SLC2A13: variants seen among roughly 807,000 people sequenced by gnomAD.
The protein encoded by SLC2A13 is solute carrier family 2 member 13, also known as proton myo-inositol cotransporter.
In SLC2A13, 32 loss-of-function variants were observed where a neutral mutation model predicts 64.4. The observed-to-expected ratio is 0.50, with a 90% CI of 0.37 to 0.67. SLC2A13 has a LOEUF of 0.67. SLC2A13 is among the 30% of genes least tolerant of loss of function. The pLI is 0.00. For synonymous variants in SLC2A13, 338 were observed against 327.1 expected (o/e 1.03, Z -0.36); for missense variants, 743 against 829.2 (o/e 0.90, Z 1.28).
intron 1 of SLC2A13, among the ~76,000 whole-genome samples, chr12:40,079,117 G>GA (rs1938294208): frequency 6.6e-6 from 1 of 152,068 alleles, no homozygotes; most frequent in Non-Finnish European, 1.5e-5. Context: ...TTTCACCTGT[G>GA]GTTTTTGTTC....
intron 4 of SLC2A13, among the ~76,000 whole-genome samples, chr12:39,918,877 C>T (rs1361745014): frequency 6.6e-6 from 1 of 150,630 alleles, no homozygotes; most frequent in Non-Finnish European, 1.5e-5. Context: ...GGGTTAAAAA[C>T]CTTTTTGTTA....
intron 7 of SLC2A13, among the ~76,000 whole-genome samples, chr12:39,776,264 A>G (rs1940772233): frequency 3.8e-5 from 1 of 26,424 alleles, no homozygotes; most frequent in African/African-American, 1.5e-4. Context: ...TTCCATATTT[A>G]TACTACACAC....
At chr12:39,825,381 T>A (rs10877533) in intron 7 of SLC2A13, among the ~76,000 whole-genome samples, 104,319 of 151,956 alleles carry the variant, frequency 0.69, 36,341 homozygotes, top group African/African-American at 0.79. Context: ...TTGGAAACTA[T>A]CTGAATCTAA....
chr12:39,772,088 T>C (rs2135725920), intron 7 of SLC2A13, among the ~76,000 whole-genome samples: 1 of 152,252 alleles, frequency 6.6e-6, no homozygotes, highest in South Asian at 2.1e-4. Flanking sequence ...TCCTCATTTA[T>C]GTCATTATCA....
At chr12:39,843,670 T>C (rs932352417) in intron 6 of SLC2A13, among the ~76,000 whole-genome samples, 1 of 152,084 alleles carries the variant, frequency 6.6e-6, no homozygotes, top group Non-Finnish European at 1.5e-5. Flanking sequence ...TCCAGCTCTA[T>C]GCTTCACCTC....
Position 39,764,613 on chromosome 12 carries a change from C to G in SLC2A13, c.1568-1G>C. ...ACAGTCCAAGGCATTGGTCCCATTC[C>G]TGAGAAATAAAACATTAAAAACTTT... On this transcript the variant is annotated splice_acceptor_variant, in intron 8 of 9. Coordinates refer to ENST00000280871, the MANE Select transcript of SLC2A13 (RefSeq NM_052885.4). LOFTEE classifies it high-confidence loss of function. 6.3e-7 allele frequency: 1 copy of G among 1,586,002 alleles called. No homozygotes were observed. The highest frequency in any genetic ancestry group is 8.5e-7 in the Non-Finnish European group (1 of 1,171,456).
At chr12:39,955,790 T>C (rs1366604768) in intron 3 of SLC2A13, among the ~76,000 whole-genome samples, 5 of 151,838 alleles carry the variant, frequency 3.3e-5, no homozygotes, top group East Asian at 1.9e-4. Flanking sequence ...AATGCAGAGA[T>C]TGGACCTACG....
chr12:39,882,704 C>G (rs560311522), intron 4 of SLC2A13, among the ~76,000 whole-genome samples: 1 of 152,132 alleles, frequency 6.6e-6, no homozygotes, highest in Non-Finnish European at 1.5e-5. Flanking sequence ...TACCCACATA[C>G]CCGACCAGTC....
chr12:40,060,056 G>A (rs1175596787), intron 1 of SLC2A13, among the ~76,000 whole-genome samples: 3 of 152,094 alleles, frequency 2.0e-5, no homozygotes, highest in Admixed American at 6.6e-5. Flanking sequence ...AGAAATTGTG[G>A]ATGAAAATCT....
At chr12:39,910,216 G>T (rs574105619) in intron 4 of SLC2A13, among the ~76,000 whole-genome samples, 1 of 152,028 alleles carries the variant, frequency 6.6e-6, no homozygotes, top group Non-Finnish European at 1.5e-5. Context: ...TATTTATTAT[G>T]ACATGCATGT....
chr12:39,903,518 A>C (rs1246360266), intron 4 of SLC2A13, among the ~76,000 whole-genome samples: 1 of 152,062 alleles, frequency 6.6e-6, no homozygotes. Flanking sequence ...AGAGTGAGGG[A>C]AGCTCATGAC....
At chr12:39,894,144 G>A (rs969315982) in intron 4 of SLC2A13, among the ~76,000 whole-genome samples, 5 of 152,084 alleles carry the variant, frequency 3.3e-5, no homozygotes, top group African/African-American at 1.2e-4. Context: ...ACGTCACTAG[G>A]GCTTTGCAAA....
intron 1 of SLC2A13, chr12:40,068,480 C>A: frequency 3.7e-6 from 1 of 269,240 alleles, no homozygotes. Flanking sequence ...CTTATCTAAT[C>A]ATCTTCAGAA....
chr12:39,861,821 A>G (rs1372987986), intron 6 of SLC2A13, among the ~76,000 whole-genome samples: 1 of 152,076 alleles, frequency 6.6e-6, no homozygotes, highest in African/African-American at 2.4e-5. Flanking sequence ...ATCTGTCTTT[A>G]TCTTTGTGCA....
intron 3 of SLC2A13, among the ~76,000 whole-genome samples, chr12:39,999,133 G>A (rs1045303369): frequency 3.9e-5 from 6 of 152,138 alleles, no homozygotes; most frequent in Non-Finnish European, 7.3e-5. Flanking sequence ...CATAAGCTGA[G>A]GATGTACGTC....
intron 1 of SLC2A13, among the ~76,000 whole-genome samples, chr12:40,067,316 C>T (rs1360500695): frequency 1.3e-5 from 2 of 152,188 alleles, no homozygotes; most frequent in Admixed American, 1.3e-4. Flanking sequence ...ATCCTCCCAC[C>T]TCAGCCTCCT....
At chr12:39,845,571 T>A (rs2135883414) in intron 6 of SLC2A13, among the ~76,000 whole-genome samples, 1 of 152,192 alleles carries the variant, frequency 6.6e-6, no homozygotes, top group South Asian at 2.1e-4. Flanking sequence ...CAAAGTGAGT[T>A]TTTACTGAAG....
intron 7 of SLC2A13, among the ~76,000 whole-genome samples, chr12:39,775,573 C>A (rs1246717513): frequency 6.6e-6 from 1 of 152,192 alleles, no homozygotes; most frequent in Non-Finnish European, 1.5e-5. Context: ...CTTTGAAGTT[C>A]TTTCTCTTAT....
rs546900725 is a variant in SLC2A13 at position 40,000,877 on chromosome 12, A to G, written c.925+27424T>C. The stretch of plus-strand genomic sequence containing the variant: ...ATTTGTAGGGGACACAATTTATTAC[A>G]TGAAGCCCCACTCACTACTTAATCC... On this transcript the variant is annotated intron_variant, in intron 3 of 9. Transcript: ENST00000280871. Among the ~76,000 whole-genome samples the G allele has an allele frequency of 2.0e-5, 3 of 152,280 alleles. No homozygotes were observed. In the East Asian group the frequency reaches 5.8e-4, roughly 29 times the overall value.
Sources: allele counts gnomAD v4.1 joint callset (sites outside exome capture counted in the v4.1 genomes callset), GRCh38; gene constraint gnomAD v4.1.1; transcripts MANE v1.5; gene names NCBI Gene and HGNC (gene_info 2026-07-23, HGNC 2026-07-21).